The following CHRM3 variants were observed in gnomAD, a reference collection of about 807,000 sequenced individuals.
The protein encoded by CHRM3 is cholinergic receptor muscarinic 3.
In CHRM3, 11 loss-of-function variants were observed where a neutral mutation model predicts 41.8. The ratio of observed to expected loss-of-function variants is 0.26; its 90% CI spans 0.17 to 0.44. CHRM3 has a LOEUF of 0.44. Ranked by LOEUF, CHRM3 falls within the 20% of genes least tolerant of loss-of-function variation. The pLI is 1.00. For synonymous variants in CHRM3, 297 were observed against 301.4 expected, an observed-to-expected ratio of 0.99 and a Z score of 0.15; for missense variants, 571 against 745.4, an observed-to-expected ratio of 0.77 and a Z score of 2.72.
At chr1:239,718,112 T>G (rs1481090042) in intron 5 of CHRM3, among the ~76,000 whole-genome samples, 1 of 152,028 alleles carries the variant, frequency 6.6e-6, no homozygotes, top group Admixed American at 6.6e-5. Context: ...CCCTTACAAA[T>G]AATAGCAAAG....
chr1:239,856,768 G>A (rs911842054), intron 6 of CHRM3, among the ~76,000 whole-genome samples: 24 of 152,140 alleles, frequency 1.6e-4, no homozygotes, highest in Admixed American at 2.0e-4. Context: ...TTTATGGCAT[G>A]AAGGAGGTAA....
At chr1:239,520,908 G>A (rs1326946390) in intron 2 of CHRM3, among the ~76,000 whole-genome samples, 1 of 151,976 alleles carries the variant, frequency 6.6e-6, no homozygotes, top group African/African-American at 2.4e-5. Flanking sequence ...CTTATGAAGG[G>A]TTTCCAATAT....
intron 3 of CHRM3, among the ~76,000 whole-genome samples, chr1:239,569,567 C>A (rs2148528312): frequency 6.6e-6 from 1 of 152,270 alleles, no homozygotes; most frequent in East Asian, 1.9e-4. Context: ...GTGATCATAT[C>A]TTTTGGAGTT....
At chr1:239,420,356 T>C (rs1661856227) in intron 1 of CHRM3, among the ~76,000 whole-genome samples, 1 of 152,182 alleles carries the variant, frequency 6.6e-6, no homozygotes, top group African/African-American at 2.4e-5. Context: ...GCTGAATGAA[T>C]AGACTTATCG....
rs1036983670 is a variant in CHRM3 at position 239,406,581 on chromosome 1, C to T, written c.-521+19354C>T. Reference sequence around the variant, plus strand: ...GGCCCAAACCCCACTACTGAGTAGCCCATCCTCATTCCAGCAAAGAAATAA... The same window carrying T: ...GGCCCAAACCCCACTACTGAGTAGCTCATCCTCATTCCAGCAAAGAAATAA... On this transcript the variant is annotated intron_variant, in intron 1 of 6. Transcript: ENST00000676153. 2.6e-5 allele frequency among the ~76,000 whole-genome samples: 4 copies of T among 152,286 alleles called. No homozygotes were observed. In the South Asian group the frequency reaches 6.2e-4, roughly 24 times the overall value.
At chr1:239,410,619 A>G (rs1660990240) in intron 1 of CHRM3, among the ~76,000 whole-genome samples, 1 of 151,696 alleles carries the variant, frequency 6.6e-6, no homozygotes, top group Non-Finnish European at 1.5e-5. Flanking sequence ...ATAGTCTTTT[A>G]CCTCCCGTAT....
At chr1:239,524,042 AC>A (rs1669830459) in intron 2 of CHRM3, among the ~76,000 whole-genome samples, 2 of 152,294 alleles carry the variant, frequency 1.3e-5, no homozygotes, top group African/African-American at 4.8e-5. Context: ...AAAATTTAAT[AC>A]CACATTTCTC....
intron 5 of CHRM3, among the ~76,000 whole-genome samples, chr1:239,797,871 G>C (rs1447683777): frequency 6.6e-6 from 1 of 151,962 alleles, no homozygotes; most frequent in Non-Finnish European, 1.5e-5. Flanking sequence ...AACATAGTGA[G>C]GCCCTGTCTC....
chr1:239,430,576 A>G (rs1662756437), intron 1 of CHRM3, among the ~76,000 whole-genome samples: 1 of 152,116 alleles, frequency 6.6e-6, no homozygotes, highest in African/African-American at 2.4e-5. Context: ...CTGGCTAAAC[A>G]GTAAACTTGG....
In CHRM3 at chr1:239,404,719, A is replaced by AATATATATAATATAT. The variant is rs1327703878; in HGVS notation, c.-521+17501_-521+17502insATATATATATATATA. On this transcript the variant is annotated intron_variant, in intron 1 of 6. Transcript: ENST00000676153. ...CATTAAATGTATCATGCTATATCTAAATATATATATATATATATATATATA... is the reference window on the plus strand; with the variant it reads ...CATTAAATGTATCATGCTATATCTAAATATATATAATATATATATATATATATATATATATATATA... 2.9e-4 allele frequency among the ~76,000 whole-genome samples: 28 copies of AATATATATAATATAT among 97,350 alleles called. No homozygotes were observed. The East Asian group carries it at 4.5e-3, about 16-fold the overall frequency. The allele number at this position is 97,350 out of a possible 152,430, so 63.9% of individuals were successfully genotyped here. A position where few individuals can be genotyped will look rare whatever the true frequency, so the allele number is the denominator to read the frequency against.
At chr1:239,741,485 G>A (rs1378855173) in intron 5 of CHRM3, among the ~76,000 whole-genome samples, 5 of 152,114 alleles carry the variant, frequency 3.3e-5, no homozygotes, top group Non-Finnish European at 4.4e-5. Context: ...GGGGAACAGG[G>A]CAGGAGAAGG....
intron 4 of CHRM3, among the ~76,000 whole-genome samples, chr1:239,661,937 T>A (rs1202840400): frequency 6.6e-6 from 1 of 152,072 alleles, no homozygotes; most frequent in Non-Finnish European, 1.5e-5. Flanking sequence ...TTATAGGAAC[T>A]CTCTGTAGTT....
intron 5 of CHRM3, among the ~76,000 whole-genome samples, chr1:239,806,417 T>TAC (rs5782102): frequency 0.18 from 27,005 of 146,034 alleles, 2,759 homozygotes; most frequent in East Asian, 0.31. Context: ...AGGATGGAGT[T>TAC]ACACACACAC....
intron 1 of CHRM3, among the ~76,000 whole-genome samples, chr1:239,421,172 C>T (rs111385427): frequency 2.0e-4 from 30 of 152,274 alleles, no homozygotes; most frequent in African/African-American, 6.7e-4. Flanking sequence ...GCATACCATA[C>T]ATTGGTTTGT....
rs550706018 is a variant in CHRM3 at position 239,768,368 on chromosome 1, G to T, written c.-146-58884G>T. On this transcript the variant is annotated intron_variant, in intron 5 of 6. Transcript: ENST00000676153. Reference sequence around the variant, plus strand: ...AGTAGTCAGGATAGGGTAAAATTACGTAGCTGTTCATGTACCTAATATATG... The same window carrying T: ...AGTAGTCAGGATAGGGTAAAATTACTTAGCTGTTCATGTACCTAATATATG... Among the ~76,000 whole-genome samples the T allele has an allele frequency of 3.9e-5, 6 of 152,256 alleles. No individual in the cohort carries two copies. In the East Asian group the frequency reaches 1.2e-3, roughly 29 times the overall value.
At chr1:239,464,100 A>G (rs1337707157) in intron 1 of CHRM3, among the ~76,000 whole-genome samples, 1 of 152,056 alleles carries the variant, frequency 6.6e-6, no homozygotes, top group Admixed American at 6.6e-5. Context: ...AACATGGTGA[A>G]ATCCCATCTC....
chr1:239,785,752 A>T (rs931134852), intron 5 of CHRM3, among the ~76,000 whole-genome samples: 2 of 152,198 alleles, frequency 1.3e-5, no homozygotes, highest in African/African-American at 4.8e-5. Flanking sequence ...GTGGAAAAAA[A>T]AAATGGGAGC....
At chr1:239,862,976 G>C (rs188077969) in intron 6 of CHRM3, among the ~76,000 whole-genome samples, 11 of 152,320 alleles carry the variant, frequency 7.2e-5, no homozygotes, top group Admixed American at 7.2e-4. Context: ...TATCATTAAT[G>C]TGGATGTCAG....
chr1:239,455,600 A>C (rs2103352563), intron 1 of CHRM3, among the ~76,000 whole-genome samples: 1 of 152,314 alleles, frequency 6.6e-6, no homozygotes, highest in Non-Finnish European at 1.5e-5. Flanking sequence ...AAAAGTTAAA[A>C]AAATGTTTAC....
Sources: allele counts gnomAD v4.1 joint callset (sites outside exome capture counted in the v4.1 genomes callset), GRCh38; gene constraint gnomAD v4.1.1; transcripts MANE v1.5; gene names NCBI Gene and HGNC (gene_info 2026-07-23, HGNC 2026-07-21).